The following CSMD1 variants were observed in gnomAD, a reference collection of about 807,000 sequenced individuals.
CSMD1 encodes CUB and sushi domain-containing protein 1.
CSMD1 carries 213 observed loss-of-function variants against 417.5 expected under a neutral mutation model. That is an observed-to-expected ratio of 0.51 (90% CI 0.46 to 0.57). The LOEUF (loss-of-function observed/expected upper bound fraction) is 0.57. Among genes scored for constraint, CSMD1 ranks in the 20% least tolerant of loss-of-function variants. The probability of loss-of-function intolerance (pLI) is 0.00; values close to 1 mark genes in which losing one functional copy is unlikely to be tolerated. For missense variants in CSMD1, 6,923 were observed against 4,529.7 expected (o/e 1.53, Z -15.17); for synonymous variants, 2,862 against 1,736.8 (o/e 1.65, Z -16.11).
chr8:2,973,373 G>A, intron 56 of CSMD1, 74 bp from the exon 57 acceptor site: 1 of 1,427,514 alleles, frequency 7.0e-7, no homozygotes. Flanking sequence ...CACACTTAAA[G>A]ATAATGAAAA....
chr8:3,868,592 G>A (rs1215357552), intron 5 of CSMD1, among the ~76,000 whole-genome samples: 2 of 152,132 alleles, frequency 1.3e-5, no homozygotes, highest in African/African-American at 4.8e-5. Context: ...AGCCCACTCA[G>A]CTCACGCAAT....
chr8:4,132,004 T>A (rs1317237421), intron 3 of CSMD1, among the ~76,000 whole-genome samples: 3 of 151,958 alleles, frequency 2.0e-5, no homozygotes, highest in African/African-American at 7.2e-5. Flanking sequence ...GACCTCGTGA[T>A]CCCTGTGACT....
intron 2 of CSMD1, among the ~76,000 whole-genome samples, chr8:4,538,213 AT>A (rs1182353149): frequency 7.0e-6 from 1 of 143,134 alleles, no homozygotes; most frequent in Non-Finnish European, 1.5e-5. Context: ...TTTGCCTGCT[AT>A]TTACTGCCTT....
intron 10 of CSMD1, among the ~76,000 whole-genome samples, chr8:3,558,361 GATGA>G (rs1167741220): frequency 1.6e-5 from 2 of 123,430 alleles, no homozygotes; most frequent in African/African-American, 2.9e-5. Context: ...CTCCTCCAAT[GATGA>G]ATGGTGCCTC....
At chr8:3,383,511 A>G (rs573704123) in intron 18 of CSMD1, among the ~76,000 whole-genome samples, 7 of 152,204 alleles carry the variant, frequency 4.6e-5, no homozygotes, top group Non-Finnish European at 8.8e-5. Context: ...AACCTCATGC[A>G]TGGAGGGAAG....
At chr8:3,211,906 G>T (rs917773647) in intron 30 of CSMD1, among the ~76,000 whole-genome samples, 1 of 152,220 alleles carries the variant, frequency 6.6e-6, no homozygotes. Flanking sequence ...ACCCAGGCTG[G>T]TGGCAAGACA....
chr8:3,326,465 G>A (rs1806539758), intron 23 of CSMD1, among the ~76,000 whole-genome samples: 1 of 152,168 alleles, frequency 6.6e-6, no homozygotes, highest in Non-Finnish European at 1.5e-5. Flanking sequence ...GAGCACTACC[G>A]TGCTACAAAG....
intron 41 of CSMD1, among the ~76,000 whole-genome samples, chr8:3,118,857 G>GA (rs1224594368): frequency 6.6e-6 from 1 of 152,050 alleles, no homozygotes; most frequent in African/African-American, 2.4e-5. Context: ...GCTTACCTTG[G>GA]AAAAAAGGCA....
chr8:4,329,129 A>AAC (rs1799721791), intron 3 of CSMD1, among the ~76,000 whole-genome samples: 1 of 152,192 alleles, frequency 6.6e-6, no homozygotes, highest in Non-Finnish European at 1.5e-5. Flanking sequence ...ATGGCTTCCA[A>AAC]ACGTGTGTTA....
chr8:3,000,820 G>A (rs774470684), intron 52 of CSMD1, among the ~76,000 whole-genome samples: 11 of 152,192 alleles, frequency 7.2e-5, no homozygotes, highest in Non-Finnish European at 1.6e-4. Flanking sequence ...TGAAAGAACA[G>A]GAAGGAGCGC....
intron 53 of CSMD1, among the ~76,000 whole-genome samples, chr8:2,999,680 A>G (rs1807225605): frequency 2.0e-5 from 3 of 152,086 alleles, no homozygotes; most frequent in Admixed American, 6.5e-5. Context: ...GGAATCCATG[A>G]CACCACTTGG....
chr8:3,718,921 A>C (rs1801987374), intron 6 of CSMD1, among the ~76,000 whole-genome samples: 1 of 152,102 alleles, frequency 6.6e-6, no homozygotes, highest in Admixed American at 6.6e-5. Context: ...AGCCAATTTA[A>C]ACCTTTTCCC....
intron 2 of CSMD1, among the ~76,000 whole-genome samples, chr8:4,557,772 C>T (rs377119522): frequency 4.9e-5 from 6 of 123,648 alleles, no homozygotes; most frequent in African/African-American, 1.4e-4. Context: ...TAAGATGGCA[C>T]GTAAGTCTCC....
chr8:4,204,298 TTTTC>T (rs1799846494), intron 3 of CSMD1, among the ~76,000 whole-genome samples: 1 of 152,094 alleles, frequency 6.6e-6, no homozygotes. Flanking sequence ...AAGTTTTTGG[TTTTC>T]TTTCTCAGAA....
chr8:3,998,633 A>C (rs1815413793), intron 4 of CSMD1, among the ~76,000 whole-genome samples: 1 of 152,226 alleles, frequency 6.6e-6, no homozygotes, highest in Non-Finnish European at 1.5e-5. Flanking sequence ...ACATCACCTC[A>C]TAAAAAGGTT....
intron 3 of CSMD1, among the ~76,000 whole-genome samples, chr8:4,349,071 C>T (rs959178526): frequency 6.6e-6 from 1 of 152,176 alleles, no homozygotes; most frequent in Non-Finnish European, 1.5e-5. Context: ...ATTAACATGA[C>T]TCATGAAATG....
rs567039184 is a variant in CSMD1, at chr8:3,082,596, C to G, written c.7474+4501G>C. ...TTCACCTTGGTACCCGCCTGCAGTG[C>G]GTAACTCAGAGCTAAGTCTGAATTG... is the stretch of plus-strand genomic sequence containing the variant. On this transcript the variant is annotated intron_variant, in intron 49 of 69. Transcript: ENST00000635120. Among the ~76,000 whole-genome samples the G allele has an allele frequency of 1.8e-4, 28 of 152,304 alleles. 2 individuals carry two copies. Among genetic ancestry groups the G allele is most frequent in the African/African-American group, 6.3e-4 (26 of 41,562 alleles).
intron 26 of CSMD1, among the ~76,000 whole-genome samples, chr8:3,236,617 A>C (rs1003244345): frequency 1.3e-5 from 2 of 152,250 alleles, no homozygotes; most frequent in Admixed American, 1.3e-4. Flanking sequence ...CATTAGGGGC[A>C]GAAACTGCTT....
intron 1 of CSMD1, among the ~76,000 whole-genome samples, chr8:4,786,258 C>A (rs1014199454): frequency 3.9e-5 from 6 of 152,168 alleles, no homozygotes; most frequent in Non-Finnish European, 8.8e-5. Flanking sequence ...CCATTTAGGA[C>A]TATTTTTTCT....
Sources: gnomAD v4.1 joint callset for allele counts (sites outside exome capture counted in the v4.1 genomes callset) on GRCh38, gnomAD v4.1.1 for gene constraint, MANE v1.5 for transcripts, NCBI Gene and HGNC (gene_info 2026-07-23, HGNC 2026-07-21) for gene names.